The following FAM135B variants were observed in gnomAD, a reference collection of about 807,000 sequenced individuals.
FAM135B encodes protein FAM135B.
In FAM135B, 43 loss-of-function variants were observed where a neutral mutation model predicts 127.7. The ratio of observed to expected loss-of-function variants is 0.34; its 90% CI spans 0.26 to 0.43. The LOEUF is 0.43. FAM135B is among the 20% of genes least tolerant of loss of function. The pLI is 1.00. For missense variants in FAM135B, 1,558 were observed against 1,725.6 expected (o/e 0.90, Z 1.72); for synonymous variants, 670 against 665.1 (o/e 1.01, Z -0.11).
At chr8:138,376,591 T>C (rs1387568855) in intron 1 of FAM135B, among the ~76,000 whole-genome samples, 1 of 152,222 alleles carries the variant, frequency 6.6e-6, no homozygotes, top group African/African-American at 2.4e-5. Flanking sequence ...CCAGGCACAA[T>C]GCTTTATCCT....
intron 16 of FAM135B, 44 bp downstream of exon 16, chr8:138,142,968 C>A (rs780685748): frequency 2.0e-6 from 2 of 998,984 alleles, no homozygotes; most frequent in South Asian, 1.3e-5. Flanking sequence ...TCAAAAATGT[C>A]CCCCCTCTTC....
Position 138,153,041 on chromosome 8 carries a change from C to T in FAM135B, c.1434G>A (p.Arg478=), listed in dbSNP as rs971080903. ...SQMDSDEEVI[R]CPEPGENVAT... ...CCACATTCTCACCTGGCTCTGGACACCTTATAACTTCTTCATCAGAATCCA... is the reference window on the plus strand; with the variant it reads ...CCACATTCTCACCTGGCTCTGGACATCTTATAACTTCTTCATCAGAATCCA... Residue 478 remains arginine, a synonymous_variant, in exon 13 of 20, where the codon AGG becomes AGA. Coordinates refer to ENST00000395297, the MANE Select transcript of FAM135B (RefSeq NM_015912.4). The T allele has an allele frequency of 1.2e-6, 2 of 1,614,144 alleles. No individual in the cohort carries two copies. The highest frequency in any genetic ancestry group is 8.5e-7 in the Non-Finnish European group (1 of 1,180,026).
rs903882023 is a variant in FAM135B, at chr8:138,132,305, A to G, written c.*288T>C. 1 of 348,030 alleles carries G rather than the reference A, an allele frequency of 2.9e-6. No homozygotes were observed. The highest frequency in any genetic ancestry group is 5.3e-6 in the Non-Finnish European group (1 of 187,082). The allele number at this position is 348,030 out of a possible 1,614,324, so 21.6% of individuals were successfully genotyped here. A position where few individuals can be genotyped will look rare whatever the true frequency, so the allele number is the denominator to read the frequency against. Reference sequence around the variant, plus strand: ...AGTGGCTAGCAAGGGGAGCTCACCAACTCCCAAGTATTCTGTTTATTCTCT... The same window carrying G: ...AGTGGCTAGCAAGGGGAGCTCACCAGCTCCCAAGTATTCTGTTTATTCTCT... On this transcript the variant is annotated 3_prime_UTR_variant, in exon 20 of 20. Transcript: ENST00000395297. The surrounding 1 kb of genome is among the most constrained non-coding windows in gnomAD (Gnocchi z 4.5).
At chr8:138,202,867 G>A (rs1196163625) in intron 7 of FAM135B, among the ~76,000 whole-genome samples, 1 of 152,256 alleles carries the variant, frequency 6.6e-6, no homozygotes, top group Non-Finnish European at 1.5e-5. Context: ...TAACTTAGTG[G>A]GGAACTCCGC....
intron 7 of FAM135B, among the ~76,000 whole-genome samples, chr8:138,236,580 T>C (rs553573987): frequency 2.6e-5 from 4 of 152,176 alleles, no homozygotes; most frequent in Non-Finnish European, 5.9e-5. Context: ...GCTTGGTCCC[T>C]GCTCAGCTGT....
At chr8:138,239,508 C>T (rs982721013) in intron 7 of FAM135B, among the ~76,000 whole-genome samples, 3 of 152,010 alleles carry the variant, frequency 2.0e-5, no homozygotes, top group Non-Finnish European at 4.4e-5. Flanking sequence ...CTGTAGGTTG[C>T]CTGTTCACTC....
chr8:138,375,929 C>T (rs761225867), intron 1 of FAM135B, among the ~76,000 whole-genome samples: 3 of 152,130 alleles, frequency 2.0e-5, no homozygotes, highest in Non-Finnish European at 4.4e-5. Flanking sequence ...GGAAGACTGT[C>T]GTCACTTACC....
intron 7 of FAM135B, among the ~76,000 whole-genome samples, chr8:138,201,480 AC>A (rs1408962233): frequency 6.6e-6 from 1 of 152,176 alleles, no homozygotes; most frequent in Non-Finnish European, 1.5e-5. Context: ...ACTAAACAAA[AC>A]AAAAAAACTT....
At chr8:138,225,583 T>C (rs1819363250) in intron 7 of FAM135B, among the ~76,000 whole-genome samples, 1 of 152,084 alleles carries the variant, frequency 6.6e-6, no homozygotes, top group Admixed American at 6.6e-5. Context: ...AATAGACACC[T>C]ACACTGTTGG....
chr8:138,144,608 T>C (rs1369151660), intron 15 of FAM135B, among the ~76,000 whole-genome samples: 1 of 152,150 alleles, frequency 6.6e-6, no homozygotes, highest in Non-Finnish European at 1.5e-5. Context: ...AAAAGTAATA[T>C]CAGGAACTCC....
chr8:138,290,223 TGCG>T lies in FAM135B; in HGVS notation c.157+20615_157+20617del, dbSNP rs1825001875. ...GAAGGCAGAGCTAAGGAAGTGAAGG[TGCG>T]GTCGGAGATATCTGTTAGAGGAGCA... On this transcript the variant is annotated intron_variant, in intron 3 of 19. Transcript: ENST00000395297. Among the ~76,000 whole-genome samples, 3 of 152,030 alleles carry T rather than the reference TGCG, an allele frequency of 2.0e-5. No individual in the cohort carries two copies. In the South Asian group the frequency reaches 6.2e-4, roughly 32 times the overall value.
intron 19 of FAM135B, among the ~76,000 whole-genome samples, chr8:138,134,484 G>A (rs751864453): frequency 6.6e-6 from 1 of 151,946 alleles, no homozygotes; most frequent in Non-Finnish European, 1.5e-5. Context: ...GGCAATCACT[G>A]GTATATTTTT....
Position 138,445,296 on chromosome 8 carries a change from C to T in FAM135B, c.-20+51375G>A, listed in dbSNP as rs375887884. On this transcript the variant is annotated intron_variant, in intron 1 of 19. Transcript: ENST00000395297. ...GAAAAAGAGGGAATCCTCCCTAACT[C>T]ATTTTATGAGGCCAGCATCATTCTG... is the stretch of plus-strand genomic sequence containing the variant. 4.0e-4 allele frequency among the ~76,000 whole-genome samples: 61 copies of T among 152,316 alleles called. No individual in the cohort carries two copies. The East Asian group carries it at 8.5e-3, about 21-fold the overall frequency.
chr8:138,211,513 G>A lies in FAM135B; in HGVS notation c.670-13844C>T, dbSNP rs143692317. ...TGTTACATTCAAATGTCATTGCATGGTTTTGGTAGCTGCATTTGCATAGGG... is the reference window on the plus strand; with the variant it reads ...TGTTACATTCAAATGTCATTGCATGATTTTGGTAGCTGCATTTGCATAGGG... On this transcript the variant is annotated intron_variant, in intron 7 of 19. Transcript: ENST00000395297. 3.2e-4 allele frequency among the ~76,000 whole-genome samples: 49 copies of A among 152,298 alleles called. No individual in the cohort carries two copies. In the East Asian group the frequency reaches 9.3e-3, roughly 29 times the overall value.
intron 7 of FAM135B, among the ~76,000 whole-genome samples, chr8:138,216,585 CA>C (rs766652958): frequency 5.9e-5 from 9 of 152,182 alleles, no homozygotes; most frequent in Non-Finnish European, 4.4e-5. Context: ...GAGAAAGCTT[CA>C]AAAAGTCAGT....
intron 6 of FAM135B, among the ~76,000 whole-genome samples, chr8:138,248,246 C>T (rs995384226): frequency 1.3e-5 from 2 of 152,174 alleles, no homozygotes; most frequent in African/African-American, 2.4e-5. Flanking sequence ...TAAAAACCAT[C>T]CCTTTAATTC....
At chr8:138,363,937 G>A (rs1830588184) in intron 2 of FAM135B, among the ~76,000 whole-genome samples, 1 of 152,076 alleles carries the variant, frequency 6.6e-6, no homozygotes, top group Admixed American at 6.6e-5. Context: ...TCCCTCTCTT[G>A]CAATCCCCAA....
At chr8:138,323,902 C>T (rs1388365024) in intron 2 of FAM135B, among the ~76,000 whole-genome samples, 1 of 152,082 alleles carries the variant, frequency 6.6e-6, no homozygotes, top group Admixed American at 6.5e-5. Flanking sequence ...TTTTTATATA[C>T]CATAATTGAA....
At chr8:138,282,737 G>A (rs546614901) in intron 3 of FAM135B, among the ~76,000 whole-genome samples, 1 of 152,150 alleles carries the variant, frequency 6.6e-6, no homozygotes, top group Non-Finnish European at 1.5e-5. Flanking sequence ...ATGTGGGAAC[G>A]GAAAAGGGCA....
Sources: allele counts gnomAD v4.1 joint callset (sites outside exome capture counted in the v4.1 genomes callset), GRCh38; gene constraint gnomAD v4.1.1; non-coding constraint Gnocchi (gnomAD v3.1); transcripts MANE v1.5; gene names NCBI Gene and HGNC (gene_info 2026-07-23, HGNC 2026-07-21).